Variants in WWOX observed in about 807,000 individuals in gnomAD.
WWOX encodes WW domain-containing oxidoreductase.
In WWOX, 69 loss-of-function variants were observed where a neutral mutation model predicts 46.2. The observed-to-expected ratio is 1.49, with a 90% CI of 1.23 to 1.82. The LOEUF is 1.82. WWOX is among the 40% of genes most tolerant of loss of function. The probability of loss-of-function intolerance (pLI) is 0.00; values close to 1 mark genes in which losing one functional copy is unlikely to be tolerated. For synonymous variants in WWOX, 359 were observed against 202.6 expected (o/e 1.77, Z -6.56); for missense variants, 919 against 542.6 (o/e 1.69, Z -6.89).
At position 78,826,654 on chromosome 16, in the gene WWOX, C is replaced by T. The variant is rs937476775; in HGVS notation, c.1057-384954C>T. On this transcript the variant is annotated intron_variant, in intron 8 of 8. Transcript: ENST00000566780. ...TCCTGGCTGATCTCATGTCAAGATC[C>T]GTAACTTAATTACATCTGCAAAGAC... 3.9e-5 allele frequency among the ~76,000 whole-genome samples: 6 copies of T among 152,246 alleles called. No individual in the cohort carries two copies. In the East Asian group the frequency reaches 1.2e-3, roughly 29 times the overall value.
At chr16:79,072,537 CTGTAT>C (rs2048571014) in intron 8 of WWOX, among the ~76,000 whole-genome samples, 1 of 152,190 alleles carries the variant, frequency 6.6e-6, no homozygotes, top group Admixed American at 6.5e-5. Flanking sequence ...TCTCATTAAT[CTGTAT>C]TCATTTTGAC....
intron 8 of WWOX, among the ~76,000 whole-genome samples, chr16:78,520,151 T>A (rs373495123): frequency 3.3e-5 from 5 of 152,334 alleles, no homozygotes; most frequent in African/African-American, 1.2e-4. Context: ...GCATGTCCAG[T>A]CTGAAGCTTT....
intron 8 of WWOX, among the ~76,000 whole-genome samples, chr16:79,051,864 G>A (rs112814282): frequency 0.035 from 5,399 of 152,246 alleles, 296 homozygotes; most frequent in African/African-American, 0.12. Context: ...AGCTCCCACA[G>A]TTTAGCCTAA....
intron 5 of WWOX, among the ~76,000 whole-genome samples, chr16:78,208,145 T>G (rs1280532547): frequency 6.6e-6 from 1 of 152,234 alleles, no homozygotes; most frequent in Non-Finnish European, 1.5e-5. Flanking sequence ...CTTGATCATA[T>G]GCCAATGTTT....
At chr16:78,227,453 C>T (rs953553226) in intron 5 of WWOX, among the ~76,000 whole-genome samples, 1 of 152,158 alleles carries the variant, frequency 6.6e-6, no homozygotes, top group Non-Finnish European at 1.5e-5. Context: ...CTCATTCTTC[C>T]AATCAATGCT....
intron 8 of WWOX, among the ~76,000 whole-genome samples, chr16:78,483,321 C>T (rs952501082): frequency 1.1e-4 from 16 of 151,786 alleles, no homozygotes; most frequent in African/African-American, 3.9e-4. Flanking sequence ...GTGAGGTGTG[C>T]CTCCGCTTTC....
At chr16:78,884,785 G>C (rs957285557) in intron 8 of WWOX, among the ~76,000 whole-genome samples, 2 of 152,114 alleles carry the variant, frequency 1.3e-5, no homozygotes, top group African/African-American at 4.8e-5. Context: ...TGTATGTTTT[G>C]TGAATTTTTT....
At chr16:79,061,483 A>G (rs2048356576) in intron 8 of WWOX, among the ~76,000 whole-genome samples, 2 of 152,306 alleles carry the variant, frequency 1.3e-5, no homozygotes, top group African/African-American at 2.4e-5. Flanking sequence ...GATCTCTTGC[A>G]AAATGCAAAT....
At chr16:79,048,625 G>A (rs2656663) in intron 8 of WWOX, among the ~76,000 whole-genome samples, 1 of 151,842 alleles carries the variant, frequency 6.6e-6, no homozygotes, top group African/African-American at 2.4e-5. Flanking sequence ...GTGTTTTTTT[G>A]TTTTCTCTGA....
At chr16:78,637,989 G>A (rs1409655132) in intron 8 of WWOX, among the ~76,000 whole-genome samples, 1 of 152,136 alleles carries the variant, frequency 6.6e-6, no homozygotes, top group African/African-American at 2.4e-5. Flanking sequence ...CTTTCAACTT[G>A]CTCACCTGTC....
At chr16:78,266,484 C>T (rs751745037) in intron 5 of WWOX, among the ~76,000 whole-genome samples, 3 of 152,200 alleles carry the variant, frequency 2.0e-5, no homozygotes, top group Non-Finnish European at 4.4e-5. Flanking sequence ...ATCATCTCCA[C>T]GTCTGCCTTT....
intron 8 of WWOX, among the ~76,000 whole-genome samples, chr16:78,456,853 A>T (rs2083830641): frequency 2.6e-5 from 4 of 152,264 alleles, no homozygotes; most frequent in Admixed American, 2.6e-4. Flanking sequence ...AAAATATGTA[A>T]TGAAATTTGC....
At chr16:79,201,921 A>C (rs2051361253) in intron 8 of WWOX, among the ~76,000 whole-genome samples, 1 of 152,196 alleles carries the variant, frequency 6.6e-6, no homozygotes, top group South Asian at 2.1e-4. Context: ...TTTTCATTTG[A>C]TCAAATCATT....
chr16:78,559,283 G>C (rs1314969043), intron 8 of WWOX, among the ~76,000 whole-genome samples: 1 of 152,224 alleles, frequency 6.6e-6, no homozygotes, highest in Non-Finnish European at 1.5e-5. Flanking sequence ...TCTGGCTTCA[G>C]GGAAGAACGA....
intron 8 of WWOX, among the ~76,000 whole-genome samples, chr16:78,746,755 C>T (rs1007083038): frequency 1.3e-5 from 2 of 152,084 alleles, no homozygotes; most frequent in Non-Finnish European, 2.9e-5. Flanking sequence ...CTGAATCTGA[C>T]TTATACCCTG....
At position 78,747,742 on chromosome 16, in the gene WWOX, C is replaced by G. The variant is rs112540194; in HGVS notation, c.1056+314990C>G. ...CTTCCCTAGAGCGTCAGCCCATGAG[C>G]TTATCCAGCCTACAGAGGAGATGCT... On this transcript the variant is annotated intron_variant, in intron 8 of 8. Coordinates refer to ENST00000566780, the MANE Select transcript of WWOX (RefSeq NM_016373.4). 2.3e-3 allele frequency among the ~76,000 whole-genome samples: 344 copies of G among 152,326 alleles called. 1 individual carries two copies. The highest frequency in any genetic ancestry group is 7.8e-3 in the African/African-American group (326 of 41,582).
At chr16:78,533,792 G>C (rs1407971395) in intron 8 of WWOX, among the ~76,000 whole-genome samples, 1 of 152,142 alleles carries the variant, frequency 6.6e-6, no homozygotes, top group African/African-American at 2.4e-5. Context: ...CCTCCCGAAT[G>C]CGTCCTCAGA....
At chr16:79,042,658 G>A (rs1252336691) in intron 8 of WWOX, among the ~76,000 whole-genome samples, 1 of 151,938 alleles carries the variant, frequency 6.6e-6, no homozygotes, top group African/African-American at 2.4e-5. Context: ...CGCATACAGT[G>A]CCAGTGGGCA....
intron 8 of WWOX, among the ~76,000 whole-genome samples, chr16:79,026,611 ACT>A (rs2047647371): frequency 8.8e-6 from 1 of 113,392 alleles, no homozygotes; most frequent in African/African-American, 3.5e-5. Context: ...CATGTGGTAG[ACT>A]CTTTTTTTTT....
Sources: allele counts gnomAD v4.1 joint callset (sites outside exome capture counted in the v4.1 genomes callset), GRCh38; gene constraint gnomAD v4.1.1; transcripts MANE v1.5; gene names NCBI Gene and HGNC (gene_info 2026-07-23, HGNC 2026-07-21).